CDH13: variants seen among roughly 807,000 people sequenced by gnomAD.
CDH13 encodes cadherin-13.
Under a neutral mutation model 63.8 loss-of-function variants are expected in CDH13, and 24 were observed. The ratio of observed to expected loss-of-function variants is 0.38; its 90% confidence interval spans 0.27 to 0.53. The LOEUF (loss-of-function observed/expected upper bound fraction) is 0.53, where lower values mean the gene tolerates loss of function less well. CDH13 is among the 20% of genes least tolerant of loss of function. The probability of loss-of-function intolerance (pLI) is 0.85; values close to 1 mark genes in which losing one functional copy is unlikely to be tolerated. For missense variants in CDH13, 1,049 were observed against 903.1 expected (o/e 1.16, Z -2.07); for synonymous variants, 503 against 355.3 (o/e 1.42, Z -4.67).
chr16:83,728,424 A>G (rs1910682114), intron 10 of CDH13, among the ~76,000 whole-genome samples: 1 of 151,994 alleles, frequency 6.6e-6, no homozygotes, highest in African/African-American at 2.4e-5. Flanking sequence ...GACAAACAAC[A>G]GTTCAATAGC....
intron 10 of CDH13, among the ~76,000 whole-genome samples, chr16:83,723,912 A>C (rs1478505687): frequency 2.0e-5 from 3 of 152,244 alleles, no homozygotes; most frequent in Non-Finnish European, 4.4e-5. Flanking sequence ...GGATGGATAC[A>C]TGAATTGATG....
intron 8 of CDH13, among the ~76,000 whole-genome samples, chr16:83,617,860 G>A (rs922470282): frequency 4.6e-5 from 7 of 151,596 alleles, no homozygotes; most frequent in African/African-American, 7.3e-5. Context: ...GTCCTAATAC[G>A]TACATATTCT....
chr16:83,309,192 C>T (rs956244196), intron 5 of CDH13, among the ~76,000 whole-genome samples: 6 of 152,104 alleles, frequency 3.9e-5, no homozygotes, highest in Admixed American at 1.3e-4. Context: ...AGCGTTATAC[C>T]GAGTGCTTGC....
chr16:82,642,611 C>G (rs767863300), intron 1 of CDH13, among the ~76,000 whole-genome samples: 50 of 152,140 alleles, frequency 3.3e-4, no homozygotes, highest in African/African-American at 1.2e-3. Context: ...CTGTGCATTA[C>G]GTAAGGCAAG....
chr16:83,392,775 A>G (rs1040309885), intron 6 of CDH13, among the ~76,000 whole-genome samples: 2 of 152,194 alleles, frequency 1.3e-5, no homozygotes, highest in Admixed American at 6.5e-5. Flanking sequence ...ATTACACGCT[A>G]AATTATGCGG....
intron 5 of CDH13, among the ~76,000 whole-genome samples, chr16:83,336,426 C>T (rs1597781165): frequency 6.6e-6 from 1 of 152,054 alleles, no homozygotes; most frequent in South Asian, 2.1e-4. Context: ...GTGGCAGCAT[C>T]TACGCTAAAA....
intron 5 of CDH13, among the ~76,000 whole-genome samples, chr16:83,307,767 G>A (rs568625760): frequency 5.3e-5 from 8 of 152,182 alleles, no homozygotes; most frequent in East Asian, 1.9e-4. Context: ...TTTTTTCCCC[G>A]GAAATGTTAC....
intron 3 of CDH13, among the ~76,000 whole-genome samples, chr16:83,069,701 C>T (rs932240749): frequency 3.9e-5 from 6 of 152,164 alleles, no homozygotes; most frequent in African/African-American, 1.4e-4. Flanking sequence ...GGGCCATCCT[C>T]ACCCTGATTG....
chr16:83,576,488 GAGTGCC>G (rs1905094220), intron 7 of CDH13, among the ~76,000 whole-genome samples: 1 of 152,104 alleles, frequency 6.6e-6, no homozygotes, highest in Admixed American at 6.6e-5. Context: ...GTATTTCTTT[GAGTGCC>G]TGTTTCTAAT....
At chr16:83,113,858 G>A (rs2035178814) in intron 3 of CDH13, among the ~76,000 whole-genome samples, 1 of 152,174 alleles carries the variant, frequency 6.6e-6, no homozygotes, top group South Asian at 2.1e-4. Flanking sequence ...TGAGGTCAGA[G>A]TGGTCATCGG....
rs553452007 is a variant in CDH13 at position 83,049,064 on chromosome 16, C to G, written c.366+16846C>G. On this transcript the variant is annotated intron_variant, in intron 3 of 13. Transcript: ENST00000567109. ...TTAGTCCTGAGGCTGCTTGAAGTCT[C>G]TGAAGCAATTAATTTTTAATTTTAA... Among the ~76,000 whole-genome samples, 221 of 152,240 alleles carry G rather than the reference C, an allele frequency of 1.5e-3. 1 individual carries two copies. The highest frequency in any genetic ancestry group is 5.2e-3 in the African/African-American group (214 of 41,548).
intron 3 of CDH13, among the ~76,000 whole-genome samples, chr16:83,095,471 C>A (rs548921902): frequency 3.2e-4 from 49 of 152,190 alleles, no homozygotes; most frequent in Non-Finnish European, 6.2e-4. Context: ...CCTATCCTCA[C>A]CCTGCTTTTG....
chr16:83,274,203 T>C lies in CDH13; in HGVS notation c.636+56706T>C, dbSNP rs961100240. Among the ~76,000 whole-genome samples the C allele has an allele frequency of 2.6e-5, 4 of 152,310 alleles. No individual in the cohort carries two copies. In the East Asian group the frequency reaches 7.7e-4, roughly 29 times the overall value. ...AAAGCCTCAGTGACAACCATTCTGC[T>C]GGGTGGGATTGCTGGCAGGAAGGTG... is the stretch of plus-strand genomic sequence containing the variant. On this transcript the variant is annotated intron_variant, in intron 5 of 13. Transcript: ENST00000567109.
intron 1 of CDH13, among the ~76,000 whole-genome samples, chr16:82,676,408 T>C (rs903122039): frequency 1.3e-5 from 2 of 152,050 alleles, no homozygotes; most frequent in Non-Finnish European, 2.9e-5. Flanking sequence ...TGATTTTGTC[T>C]GCTAAATATC....
At chr16:83,503,695 A>G (rs995688325) in intron 7 of CDH13, among the ~76,000 whole-genome samples, 3 of 152,162 alleles carry the variant, frequency 2.0e-5, no homozygotes, top group Admixed American at 2.0e-4. Flanking sequence ...AAGTGTCTTG[A>G]GAAGTTTCTG....
chr16:83,612,033 G>T (rs561611037), intron 8 of CDH13, among the ~76,000 whole-genome samples: 2 of 152,032 alleles, frequency 1.3e-5, no homozygotes, highest in South Asian at 4.2e-4. Context: ...TTAGGCCAAG[G>T]TTTACAATTT....
At chr16:82,664,564 C>A (rs931729286) in intron 1 of CDH13, among the ~76,000 whole-genome samples, 1 of 152,194 alleles carries the variant, frequency 6.6e-6, no homozygotes, top group Non-Finnish European at 1.5e-5. Flanking sequence ...AGGGAGAAGG[C>A]TGGGAGCCTT....
At chr16:83,451,426 A>T (rs1294390441) in intron 6 of CDH13, among the ~76,000 whole-genome samples, 1 of 152,206 alleles carries the variant, frequency 6.6e-6, no homozygotes, top group Non-Finnish European at 1.5e-5. Flanking sequence ...ACCTCCCACC[A>T]GGTCCCATCC....
intron 1 of CDH13, among the ~76,000 whole-genome samples, chr16:82,739,601 C>T (rs2033841878): frequency 6.6e-6 from 1 of 152,148 alleles, no homozygotes; most frequent in South Asian, 2.1e-4. Context: ...GGAAGAAGTG[C>T]TATTTCAAAT....
Sources: allele counts gnomAD v4.1 joint callset (sites outside exome capture counted in the v4.1 genomes callset), GRCh38; gene constraint gnomAD v4.1.1; transcripts MANE v1.5; gene names NCBI Gene and HGNC (gene_info 2026-07-23, HGNC 2026-07-21).